Variants in NSUN4 observed in about 807,000 individuals in gnomAD.
NSUN4 encodes NOP2/Sun RNA methyltransferase 4.
A neutral mutation model predicts 43.8 loss-of-function variants in NSUN4; 31 were observed. The observed-to-expected ratio is 0.71, with a 90% CI of 0.53 to 0.96. The LOEUF (loss-of-function observed/expected upper bound fraction) is 0.96. Ranked by LOEUF, NSUN4 falls within the 40% of genes least tolerant of loss-of-function variation. The pLI, the probability that NSUN4 is intolerant of heterozygous loss-of-function variation, is 0.00. For missense variants in NSUN4, 439 were observed against 475.6 expected, an observed-to-expected ratio of 0.92 and a Z score of 0.72; for synonymous variants, 167 against 184.1, an observed-to-expected ratio of 0.91 and a Z score of 0.75.
At chr1:46,374,599 ACT>A in the NSUN4 span, among the ~76,000 whole-genome samples, 1 of 151,592 alleles carries the variant, frequency 6.6e-6, no homozygotes, top group African/African-American at 2.4e-5. Flanking sequence ...ACAGAGGGAG[ACT>A]CTGTCTCAAA....
At chr1:46,352,351 C>T (rs1663061037) in intron 3 of NSUN4, among the ~76,000 whole-genome samples, 1 of 151,876 alleles carries the variant, frequency 6.6e-6, no homozygotes, top group Non-Finnish European at 1.5e-5. Context: ...ACTCAGGAGG[C>T]TAAGGCATGA....
At chr1:46,342,632 T>C (rs1662195702) in intron 1 of NSUN4, 1 of 399,326 alleles carries the variant, frequency 2.5e-6, no homozygotes, top group Non-Finnish European at 4.4e-6. Context: ...CTCGTCCCCA[T>C]GGTCCTCATT....
rs1458411760 is a variant in NSUN4, at chr1:46,362,373, G to A, written c.*527G>A. ...CATATGGCTCATGATCTAATTTAAG[G>A]AACAAGTAACTAAAAATGTTAAGCC... is the stretch of plus-strand genomic sequence containing the variant. On this transcript the variant is annotated 3_prime_UTR_variant, in exon 6 of 6. Coordinates refer to ENST00000474844, the MANE Select transcript of NSUN4 (RefSeq NM_199044.4). The A allele has an allele frequency of 6.5e-6, 1 of 153,830 alleles. No individual in the cohort carries two copies. The highest frequency in any genetic ancestry group is 2.4e-5 in the African/African-American group (1 of 41,412). 9.5% of individuals were successfully genotyped at this position (153,830 alleles called of 1,614,324 possible). A position where few individuals can be genotyped will look rare whatever the true frequency, so the allele number is the denominator to read the frequency against.
At chr1:46,342,015 G>C in intron 1 of NSUN4, 1 of 1,183,848 alleles carries the variant, frequency 8.4e-7, no homozygotes, top group East Asian at 3.2e-5. Context: ...TGTACCCTTG[G>C]AAACTGGACC....
intron 2 of NSUN4, among the ~76,000 whole-genome samples, chr1:46,346,662 T>C (rs1364260498): frequency 2.6e-5 from 4 of 152,018 alleles, no homozygotes; most frequent in Non-Finnish European, 5.9e-5. Flanking sequence ...AGGTGGAGGT[T>C]GCAGCGAGAC....
chr1:46,345,219 C>A, intron 2 of NSUN4, 75 bp downstream of exon 2: 2 of 1,115,896 alleles, frequency 1.8e-6, no homozygotes, highest in Non-Finnish European at 1.3e-6. Flanking sequence ...CAGCTTCTAC[C>A]CTCTGTAATA....
chr1:46,350,709 A>G (rs1662912396), intron 3 of NSUN4, among the ~76,000 whole-genome samples: 1 of 150,514 alleles, frequency 6.6e-6, no homozygotes, highest in Non-Finnish European at 1.5e-5. Context: ...TATCTCTTAC[A>G]TAAGAGAAGC....
chr1:46,378,201 ATTTTT>A, the NSUN4 span, among the ~76,000 whole-genome samples: 1 of 137,640 alleles, frequency 7.3e-6, no homozygotes, highest in Non-Finnish European at 1.6e-5. Flanking sequence ...CATAGCAGAG[ATTTTT>A]TTTTTTTTTT....
chr1:46,365,562 G>A (rs1338609324), downstream of NSUN4, among the ~76,000 whole-genome samples: 1 of 151,970 alleles, frequency 6.6e-6, no homozygotes, highest in Non-Finnish European at 1.5e-5. Flanking sequence ...GGCTGGTCTC[G>A]AACTCCTGAC....
intron 4 of NSUN4, among the ~76,000 whole-genome samples, chr1:46,358,345 C>T (rs1447760159): frequency 6.6e-6 from 1 of 151,646 alleles, no homozygotes; most frequent in Non-Finnish European, 1.5e-5. Flanking sequence ...ATCTGCCCGC[C>T]TCGGCCTCCC....
chr1:46,357,005 A>G (rs1189316580), intron 4 of NSUN4, among the ~76,000 whole-genome samples: 1 of 152,198 alleles, frequency 6.6e-6, no homozygotes, highest in Non-Finnish European at 1.5e-5. Flanking sequence ...ATTCAGTGGG[A>G]GCACTATCCT....
intron 4 of NSUN4, among the ~76,000 whole-genome samples, chr1:46,353,449 C>G (rs1663147770): frequency 6.6e-6 from 1 of 151,894 alleles, no homozygotes; most frequent in African/African-American, 2.4e-5. Flanking sequence ...CTGTAGCCCC[C>G]TACTTCCCCA....
chr1:46,346,316 G>C (rs553259030), intron 2 of NSUN4, among the ~76,000 whole-genome samples: 1 of 152,036 alleles, frequency 6.6e-6, no homozygotes, highest in Non-Finnish European at 1.5e-5. Flanking sequence ...TTGGGAGGCC[G>C]AGGCGGGCAG....
At position 46,341,739 on chromosome 1, in the gene NSUN4, T is replaced by G. The variant is rs1281671664; in HGVS notation, c.93+820T>G. 2.4e-6 allele frequency: 3 copies of G among 1,230,898 alleles called. No homozygotes were observed. In the East Asian group the frequency reaches 9.5e-5, roughly 39 times the overall value. 76.2% of individuals were successfully genotyped at this position (1,230,898 alleles called of 1,614,324 possible). A position where few individuals can be genotyped will look rare whatever the true frequency, so the allele number is the denominator to read the frequency against. On this transcript the variant is annotated intron_variant, in intron 1 of 5. Coordinates refer to ENST00000474844, the MANE Select transcript of NSUN4 (RefSeq NM_199044.4). ...GACCTACTGCCGCTAGCCCTGCCAC[T>G]CGGGTTCCCCACTCTCCAGCCCTTA... is the stretch of plus-strand genomic sequence containing the variant.
At chr1:46,341,829 A>C in intron 1 of NSUN4, 1 of 1,232,830 alleles carries the variant, frequency 8.1e-7, no homozygotes, top group Non-Finnish European at 1.0e-6. Context: ...TTGCAGCTGG[A>C]TGAGTCCCTC....
intron 3 of NSUN4, among the ~76,000 whole-genome samples, chr1:46,348,926 T>C (rs1662756595): frequency 6.7e-6 from 1 of 149,494 alleles, no homozygotes. Context: ...GCAATTCTCT[T>C]GCCTCAGCCT....
the NSUN4 span, among the ~76,000 whole-genome samples, chr1:46,379,361 A>C: frequency 6.6e-6 from 1 of 152,150 alleles, no homozygotes; most frequent in Non-Finnish European, 1.5e-5. Context: ...TCACACCTGT[A>C]ATCCCAGCAC....
intron 1 of NSUN4, chr1:46,341,620 T>G: frequency 8.4e-7 from 1 of 1,192,090 alleles, no homozygotes. Context: ...CCCCAGCCGA[T>G]TCCCTCGCCA....
chr1:46,344,633 C>A, intron 1 of NSUN4, 168 bp from the exon 2 acceptor site: 1 of 633,918 alleles, frequency 1.6e-6, no homozygotes, highest in Non-Finnish European at 2.8e-6. Flanking sequence ...AAGGCCCACT[C>A]TCCACTACTT....
Sources: allele counts gnomAD v4.1 joint callset (sites outside exome capture counted in the v4.1 genomes callset), GRCh38; gene constraint gnomAD v4.1.1; transcripts MANE v1.5; gene names NCBI Gene and HGNC (gene_info 2026-07-23, HGNC 2026-07-21).